DENND1A: variants seen among roughly 807,000 people sequenced by gnomAD.
DENND1A encodes DENN domain containing 1A, also known as DENN domain-containing protein 1A.
A neutral mutation model predicts 113.7 loss-of-function variants in DENND1A; 51 were observed. The ratio of observed to expected loss-of-function variants is 0.45; its 90% CI spans 0.36 to 0.57. The LOEUF is 0.57. DENND1A is among the 20% of genes least tolerant of loss of function. The pLI is 0.00. For missense variants in DENND1A, 1,258 were observed against 1,395.9 expected (o/e 0.90, Z 1.57); for synonymous variants, 565 against 570.8 (o/e 0.99, Z 0.14).
intron 5 of DENND1A, among the ~76,000 whole-genome samples, chr9:123,754,822 G>A (rs2070382844): frequency 6.6e-6 from 1 of 152,132 alleles, no homozygotes; most frequent in Admixed American, 6.5e-5. Context: ...ATGAAATCCA[G>A]GACCCTACTT....
Position 123,671,378 on chromosome 9 carries a change from G to T in DENND1A, c.373-7C>A, listed in dbSNP as rs1247885442. ...GCTCATTCCACTGATTTTCCTGAAA[G>T]AAATAAAAGGCCTAAGTAACAAAAG... On this transcript the variant is annotated splice_polypyrimidine_tract_variant and splice_region_variant and intron_variant, in intron 6 of 23. Coordinates refer to ENST00000394215, the MANE Select transcript of DENND1A (RefSeq NM_001352964.2). The T allele has an allele frequency of 6.2e-7, 1 of 1,613,646 alleles. No homozygotes were observed. The highest frequency in any genetic ancestry group is 1.3e-5 in the African/African-American group (1 of 74,980).
rs1242555206 is a variant in DENND1A at position 123,668,687 on chromosome 9, T to TA, written c.454-1609dup. ...TGACAGCTAAAGGGGCTTGAACAAA[T>TA]AAAAAAGTAAAAAATAAAAAGTATA... On this transcript the variant is annotated intron_variant, in intron 7 of 23. Coordinates refer to ENST00000394215, the MANE Select transcript of DENND1A (RefSeq NM_001352964.2). 2.0e-5 allele frequency among the ~76,000 whole-genome samples: 3 copies of TA among 151,894 alleles called. No individual in the cohort carries two copies. In the South Asian group the frequency reaches 6.2e-4, roughly 32 times the overall value.
intron 22 of DENND1A, among the ~76,000 whole-genome samples, chr9:123,384,582 G>A (rs147581341): frequency 1.3e-5 from 2 of 152,306 alleles, no homozygotes; most frequent in African/African-American, 2.4e-5. Flanking sequence ...AGCATCCATC[G>A]CCCACCAGTG....
chr9:123,743,770 T>A (rs2131152118), intron 5 of DENND1A, among the ~76,000 whole-genome samples: 1 of 151,776 alleles, frequency 6.6e-6, no homozygotes, highest in East Asian at 1.9e-4. Flanking sequence ...TAAATTTAAA[T>A]TAAAAATATA....
At position 123,379,786 on chromosome 9, in the gene DENND1A, G is replaced by C. The variant is rs1435891555; in HGVS notation, c.*1646C>G. ...CACCCCAGCCCCTCAGCACAGCCAG[G>C]GGGCCTTGGGGTACACACCCTCCTT... On this transcript the variant is annotated 3_prime_UTR_variant, in exon 24 of 24. Coordinates refer to ENST00000394215, the MANE Select transcript of DENND1A (RefSeq NM_001352964.2). 2 of 152,420 alleles carry C rather than the reference G, an allele frequency of 1.3e-5. No individual in the cohort carries two copies. Among genetic ancestry groups the C allele is most frequent in the Non-Finnish European group, 2.9e-5 (2 of 68,166 alleles). 9.4% of individuals were successfully genotyped at this position (152,420 alleles called of 1,614,324 possible).
intron 7 of DENND1A, among the ~76,000 whole-genome samples, chr9:123,669,032 A>C (rs1031232875): frequency 2.0e-5 from 3 of 152,224 alleles, no homozygotes; most frequent in African/African-American, 4.8e-5. Context: ...ATCTACTTCA[A>C]AACTGTTATG....
intron 20 of DENND1A, among the ~76,000 whole-genome samples, chr9:123,407,309 G>C (rs2043946199): frequency 6.6e-6 from 1 of 152,044 alleles, no homozygotes; most frequent in African/African-American, 2.4e-5. Context: ...GACAAAGCCA[G>C]ACACAAAATT....
At chr9:123,912,301 A>G (rs907639882) in intron 1 of DENND1A, among the ~76,000 whole-genome samples, 11 of 152,326 alleles carry the variant, frequency 7.2e-5, no homozygotes, top group African/African-American at 2.4e-4. Context: ...CAGAACAGCT[A>G]GTGACCTCAG....
intron 3 of DENND1A, among the ~76,000 whole-genome samples, chr9:123,778,511 A>G (rs1193542262): frequency 1.3e-5 from 2 of 152,208 alleles, no homozygotes; most frequent in Non-Finnish European, 2.9e-5. Flanking sequence ...AGCTTATCCT[A>G]TGAAATTTTG....
At chr9:123,676,666 T>A (rs2064094571) in intron 6 of DENND1A, 54 bp downstream of exon 6, 3 of 1,538,248 alleles carry the variant, frequency 2.0e-6, no homozygotes, top group East Asian at 4.8e-5. Context: ...TACTTTTTCA[T>A]CATAAAAATT....
At chr9:123,668,533 G>A (rs2063600995) in intron 7 of DENND1A, among the ~76,000 whole-genome samples, 1 of 152,090 alleles carries the variant, frequency 6.6e-6, no homozygotes, top group African/African-American at 2.4e-5. Context: ...TGCTCACAGA[G>A]GTCAAGTAGT....
At chr9:123,853,261 G>GC (rs1363090321) in intron 2 of DENND1A, among the ~76,000 whole-genome samples, 1 of 151,934 alleles carries the variant, frequency 6.6e-6, no homozygotes, top group Non-Finnish European at 1.5e-5. Flanking sequence ...TATCAATAAG[G>GC]CAAGTATAGG....
At chr9:123,894,718 C>T (rs677987) in intron 1 of DENND1A, among the ~76,000 whole-genome samples, 44,181 of 152,104 alleles carry the variant, frequency 0.29, 10,286 homozygotes, top group African/African-American at 0.65. Flanking sequence ...TCCTGCCTTT[C>T]AGATATGAAA....
chr9:123,439,205 A>G (rs2046748162), intron 19 of DENND1A, among the ~76,000 whole-genome samples: 6 of 152,266 alleles, frequency 3.9e-5, no homozygotes, highest in Admixed American at 3.9e-4. Context: ...TAACTAAATG[A>G]GTATCACCCT....
intron 15 of DENND1A, among the ~76,000 whole-genome samples, chr9:123,456,145 G>A (rs1303203066): frequency 6.6e-6 from 1 of 152,060 alleles, no homozygotes; most frequent in Non-Finnish European, 1.5e-5. Flanking sequence ...AGCACAGGCT[G>A]GGAGGGCCTG....
At chr9:123,578,736 T>C (rs1348807935) in intron 12 of DENND1A, among the ~76,000 whole-genome samples, 5 of 152,088 alleles carry the variant, frequency 3.3e-5, no homozygotes, top group Non-Finnish European at 5.9e-5. Context: ...AAAAGGGAAA[T>C]GGGCAATAAA....
At chr9:123,856,965 T>C (rs1270805543) in intron 2 of DENND1A, among the ~76,000 whole-genome samples, 3 of 151,942 alleles carry the variant, frequency 2.0e-5, no homozygotes, top group Admixed American at 2.0e-4. Flanking sequence ...TGGTATTGGT[T>C]GAAATCGGAA....
chr9:123,484,888 G>T (rs1215411754), intron 13 of DENND1A, among the ~76,000 whole-genome samples: 4 of 152,276 alleles, frequency 2.6e-5, no homozygotes, highest in Non-Finnish European at 5.9e-5. Context: ...CTCCCTAGCT[G>T]TGGCACCTGG....
intron 5 of DENND1A, among the ~76,000 whole-genome samples, chr9:123,683,517 G>C (rs2064605111): frequency 6.6e-6 from 1 of 152,090 alleles, no homozygotes; most frequent in African/African-American, 2.4e-5. Context: ...TTGGAATTAA[G>C]AGACAGAGTT....
Sources: gnomAD v4.1 joint callset for allele counts (sites outside exome capture counted in the v4.1 genomes callset) on GRCh38, gnomAD v4.1.1 for gene constraint, MANE v1.5 for transcripts, NCBI Gene and HGNC (gene_info 2026-07-23, HGNC 2026-07-21) for gene names.